Variants in PTCHD4 observed in about 807,000 individuals in gnomAD.
PTCHD4 encodes the protein patched domain-containing protein 4.
A neutral mutation model predicts 58.1 loss-of-function variants in PTCHD4; 33 were observed. The observed-to-expected ratio is 0.57, with a 90% confidence interval of 0.43 to 0.76. The LOEUF is 0.76. Among genes scored for constraint, PTCHD4 ranks in the 30% least tolerant of loss-of-function variants. The probability of loss-of-function intolerance (pLI) is 0.00; values close to 1 mark genes in which losing one functional copy is unlikely to be tolerated. For synonymous variants in PTCHD4, 478 were observed against 409.6 expected (o/e 1.17, Z -2.02); for missense variants, 1,058 against 1,027.1 (o/e 1.03, Z -0.41).
intron 4 of PTCHD4, among the ~76,000 whole-genome samples, chr6:47,893,328 T>C (rs1236860027): frequency 6.6e-6 from 1 of 152,142 alleles, no homozygotes; most frequent in Non-Finnish European, 1.5e-5. Context: ...TTTTCTAAAA[T>C]GTGTTAGACT....
intron 1 of PTCHD4, among the ~76,000 whole-genome samples, chr6:48,102,739 C>G (rs977773645): frequency 6.6e-6 from 1 of 152,190 alleles, no homozygotes; most frequent in South Asian, 2.1e-4. Flanking sequence ...CCTGGAAAAT[C>G]GGGTCACTCC....
intron 3 of PTCHD4, among the ~76,000 whole-genome samples, chr6:48,046,162 G>A (rs976288418): frequency 6.6e-6 from 1 of 151,862 alleles, no homozygotes; most frequent in Non-Finnish European, 1.5e-5. Context: ...ATCTCTGAAC[G>A]AGTTTACTTT....
At chr6:48,007,240 C>A (rs1193193546) in intron 4 of PTCHD4, among the ~76,000 whole-genome samples, 2 of 151,296 alleles carry the variant, frequency 1.3e-5, no homozygotes, top group African/African-American at 2.4e-5. Context: ...ACTCTGTCCC[C>A]CCAAAAAAAA....
chr6:47,878,497 T>G lies in PTCHD4; in HGVS notation c.2338A>C (p.Thr780Pro). 2.5e-6 allele frequency: 4 copies of G among 1,613,426 alleles called. No homozygotes were observed. Among genetic ancestry groups the G allele is most frequent in the Middle Eastern group, 1.7e-4 (1 of 6,056 alleles). The change falls in exon 5 of 5, where the codon ACA (threonine) becomes CCA (proline). Residue 780 changes from threonine to proline, a missense_variant. Thr to Pro is a conservative substitution (Grantham distance 38). Transcript: ENST00000339488. Reference protein sequence around the residue: ...LLFVPSNLTFTLFKCLLLTGG... With the variant: ...LLFVPSNLTFPLFKCLLLTGG... ...GTGAGCAGCAAGCATTTGAACAGTGTGAAGGTCAGGTTCGAAGGCACAAAT... is the reference window on the plus strand; with the variant it reads ...GTGAGCAGCAAGCATTTGAACAGTGGGAAGGTCAGGTTCGAAGGCACAAAT...
chr6:47,943,655 G>T (rs547053241), intron 4 of PTCHD4, among the ~76,000 whole-genome samples: 1 of 152,132 alleles, frequency 6.6e-6, no homozygotes, highest in East Asian at 1.9e-4. Context: ...TTGGAACATA[G>T]CCAAACTCAT....
At position 47,879,341 on chromosome 6, in the gene PTCHD4, A is replaced by T; in HGVS notation, c.1494T>A (p.Ser498Arg). The change falls in exon 5 of 5, where the codon AGT becomes AGA. Residue 498 changes from serine to arginine, a missense_variant. Physicochemically the swap from Ser to Arg is moderately radical, Grantham distance 110. Coordinates refer to ENST00000339488, the MANE Select transcript of PTCHD4 (RefSeq NM_001384253.1). Reference sequence around the variant, plus strand: ...TCTGCTGAACCATGGCATAGGAAACACTTGGCGAATCACTGGCTAGTAGAT... The same window carrying T: ...TCTGCTGAACCATGGCATAGGAAACTCTTGGCGAATCACTGGCTAGTAGAT... ...IINLLASDSP[S>R]VSYAMVQQKY... The T allele has an allele frequency of 6.2e-7, 1 of 1,613,374 alleles. No individual in the cohort carries two copies. Among genetic ancestry groups the T allele is most frequent in the Non-Finnish European group, 8.5e-7 (1 of 1,179,644 alleles).
At chr6:47,980,514 T>C (rs1465387596) in intron 4 of PTCHD4, among the ~76,000 whole-genome samples, 1 of 152,134 alleles carries the variant, frequency 6.6e-6, no homozygotes, top group Non-Finnish European at 1.5e-5. Flanking sequence ...ATTTTGATTA[T>C]ATAAGTGATG....
At chr6:47,989,430 TCAA>T (rs1241090098) in intron 4 of PTCHD4, among the ~76,000 whole-genome samples, 1 of 152,206 alleles carries the variant, frequency 6.6e-6, no homozygotes, top group Non-Finnish European at 1.5e-5. Flanking sequence ...TCAGAGGTCT[TCAA>T]CGTAGCCTTT....
chr6:47,907,781 G>T (rs976193018), intron 4 of PTCHD4, among the ~76,000 whole-genome samples: 1 of 152,100 alleles, frequency 6.6e-6, no homozygotes, highest in African/African-American at 2.4e-5. Context: ...CAGGGAGCCT[G>T]GACTTCCAAT....
Position 47,863,000 on chromosome 6 carries a change from G to T in PTCHD4, c.*15303C>A, listed in dbSNP as rs1561925097. On this transcript the variant is annotated 3_prime_UTR_variant, in exon 5 of 5. Coordinates refer to ENST00000339488, the MANE Select transcript of PTCHD4 (RefSeq NM_001384253.1). ...TAATTCAAAGAATAGGCTTCATTTT[G>T]CCAGTGTTGAAGCCATTTTAATTTC... Among the ~76,000 whole-genome samples the T allele has an allele frequency of 6.6e-6, 1 of 151,850 alleles. No individual in the cohort carries two copies. Among genetic ancestry groups the T allele is most frequent in the Non-Finnish European group, 1.5e-5 (1 of 67,864 alleles).
chr6:48,064,950 T>C (rs529908636), intron 3 of PTCHD4, among the ~76,000 whole-genome samples: 2 of 152,318 alleles, frequency 1.3e-5, no homozygotes, highest in South Asian at 4.1e-4. Flanking sequence ...ATTTCTTTTG[T>C]GGTATTCTAA....
chr6:48,028,667 ATT>A (rs895849389), intron 3 of PTCHD4, among the ~76,000 whole-genome samples: 1 of 152,062 alleles, frequency 6.6e-6, no homozygotes, highest in Non-Finnish European at 1.5e-5. Flanking sequence ...TAAATCAAAG[ATT>A]TTGTGTCTTA....
chr6:47,872,779 T>A lies in PTCHD4; in HGVS notation c.*5524A>T, dbSNP rs181197589. 1.3e-5 allele frequency among the ~76,000 whole-genome samples: 2 copies of A among 151,738 alleles called. No homozygotes were observed. Among genetic ancestry groups the A allele is most frequent in the South Asian group, 2.1e-4 (1 of 4,818 alleles). On this transcript the variant is annotated 3_prime_UTR_variant, in exon 5 of 5. Coordinates refer to ENST00000339488, the MANE Select transcript of PTCHD4 (RefSeq NM_001384253.1). ...GGTACACTCCCATTTAATTTTTACA[T>A]CTTTAGAGATGCAGAAGACATAAAA...
intron 4 of PTCHD4, among the ~76,000 whole-genome samples, chr6:47,912,073 C>T (rs1335177765): frequency 6.6e-6 from 1 of 151,996 alleles, no homozygotes; most frequent in Non-Finnish European, 1.5e-5. Context: ...TGCTCTGGGG[C>T]TGATAAAGAA....
At chr6:48,010,059 T>G (rs910170715) in intron 3 of PTCHD4, among the ~76,000 whole-genome samples, 3 of 152,176 alleles carry the variant, frequency 2.0e-5, no homozygotes, top group Non-Finnish European at 2.9e-5. Flanking sequence ...TGTCAACAAA[T>G]TATCATTAAT....
intron 4 of PTCHD4, among the ~76,000 whole-genome samples, chr6:47,918,423 G>T (rs1419599872): frequency 1.3e-5 from 2 of 152,048 alleles, no homozygotes; most frequent in African/African-American, 2.4e-5. Context: ...TGGACTACAA[G>T]ACAAGAACCA....
chr6:47,939,884 C>T (rs892562026), intron 4 of PTCHD4, among the ~76,000 whole-genome samples: 1 of 151,992 alleles, frequency 6.6e-6, no homozygotes, highest in Non-Finnish European at 1.5e-5. Context: ...CCTATGTTGC[C>T]CTGAAACTGG....
intron 1 of PTCHD4, among the ~76,000 whole-genome samples, chr6:48,095,683 C>G (rs966786873): frequency 6.7e-6 from 1 of 149,446 alleles, no homozygotes; most frequent in South Asian, 2.1e-4. Flanking sequence ...AGCAAGACTC[C>G]GTCTCAAAAA....
chr6:47,959,773 GA>G (rs1000556737), intron 4 of PTCHD4, among the ~76,000 whole-genome samples: 5 of 149,112 alleles, frequency 3.4e-5, no homozygotes, highest in African/African-American at 9.9e-5. Flanking sequence ...AAATATTGAA[GA>G]AAAAAATCTG....
Sources: gnomAD v4.1 joint callset for allele counts (sites outside exome capture counted in the v4.1 genomes callset) on GRCh38, gnomAD v4.1.1 for gene constraint, MANE v1.5 for transcripts, NCBI Gene and HGNC (gene_info 2026-07-23, HGNC 2026-07-21) for gene names.